The following NEO1 variants were observed in gnomAD, a reference collection of about 807,000 sequenced individuals.
NEO1 encodes neogenin.
A neutral mutation model predicts 159.7 loss-of-function variants in NEO1; 63 were observed. That is an observed-to-expected ratio of 0.39 (90% CI 0.32 to 0.49). NEO1 has a LOEUF of 0.49. Among genes scored for constraint, NEO1 ranks in the 20% least tolerant of loss-of-function variants. NEO1 has a pLI of 0.85. For synonymous variants in NEO1, 633 were observed against 662.0 expected, an observed-to-expected ratio of 0.96 and a Z score of 0.67; for missense variants, 1,615 against 1,831.0, an observed-to-expected ratio of 0.88 and a Z score of 2.15.
intron 22 of NEO1, among the ~76,000 whole-genome samples, chr15:73,279,778 A>G (rs956657628): frequency 2.6e-5 from 4 of 152,292 alleles, no homozygotes; most frequent in Non-Finnish European, 4.4e-5. Flanking sequence ...ATCTTCAAGG[A>G]TGCTAGAAGA....
chr15:73,198,139 G>T (rs2036643281), intron 7 of NEO1, among the ~76,000 whole-genome samples: 1 of 151,910 alleles, frequency 6.6e-6, no homozygotes, highest in African/African-American at 2.4e-5. Context: ...TTATCAAATG[G>T]CTGCCTTTAA....
chr15:73,060,081 G>T (rs935764566), intron 1 of NEO1, among the ~76,000 whole-genome samples: 1 of 151,890 alleles, frequency 6.6e-6, no homozygotes, highest in African/African-American at 2.4e-5. Context: ...ATGAGGTCTA[G>T]TTAAGATAAT....
intron 5 of NEO1, among the ~76,000 whole-genome samples, chr15:73,143,854 G>C (rs1017935956): frequency 6.6e-6 from 1 of 151,948 alleles, no homozygotes; most frequent in African/African-American, 2.4e-5. Flanking sequence ...CCTCATAATT[G>C]GTTTCTTAAA....
At chr15:73,253,379 T>A in intron 11 of NEO1, 21 bp from the exon 12 acceptor site, 1 of 1,518,636 alleles carries the variant, frequency 6.6e-7, no homozygotes, top group African/African-American at 1.4e-5. Context: ...AAAAATTTTT[T>A]TTTTTTTTTT....
intron 1 of NEO1, among the ~76,000 whole-genome samples, chr15:73,097,776 C>CT (rs34165169): frequency 0.084 from 6,324 of 75,284 alleles, 667 homozygotes; most frequent in African/African-American, 0.24. Flanking sequence ...TGGAACTAGC[C>CT]TTTTTTTTTT....
intron 9 of NEO1, among the ~76,000 whole-genome samples, chr15:73,247,448 A>T (rs1192943143): frequency 6.6e-6 from 1 of 152,198 alleles, no homozygotes; most frequent in South Asian, 2.1e-4. Context: ...TTCTCCTTTA[A>T]TAAGTTAGAG....
At chr15:73,094,717 C>T (rs1469328828) in intron 1 of NEO1, among the ~76,000 whole-genome samples, 2 of 152,116 alleles carry the variant, frequency 1.3e-5, no homozygotes, top group Non-Finnish European at 1.5e-5. Context: ...GGTTGCTTCC[C>T]CATGGTGTTT....
intron 18 of NEO1, among the ~76,000 whole-genome samples, chr15:73,271,279 T>C (rs11072409): frequency 0.43 from 64,741 of 152,084 alleles, 15,262 homozygotes; most frequent in Non-Finnish European, 0.53. Context: ...ACTTCAATCC[T>C]AACCCATTAG....
chr15:73,257,265 TAA>T lies in NEO1; in HGVS notation c.2093-1487_2093-1486del, dbSNP rs10670933. Reference sequence around the variant, plus strand: ...TACTAGGCATCATTCTTGTTGCTGTTAAAAAAAAAAAAAAAGAGTATAGTCCT... The same window carrying T: ...TACTAGGCATCATTCTTGTTGCTGTTAAAAAAAAAAAAAGAGTATAGTCCT... On this transcript the variant is annotated intron_variant, in intron 13 of 28. Coordinates refer to ENST00000261908, the MANE Select transcript of NEO1 (RefSeq NM_002499.4). Among the ~76,000 whole-genome samples, 48 of 143,118 alleles carry T rather than the reference TAA, an allele frequency of 3.4e-4. 1 individual carries two copies. Among genetic ancestry groups the T allele is most frequent in the African/African-American group, 8.2e-4 (32 of 38,990 alleles). 93.9% of individuals were successfully genotyped at this position (143,118 alleles called of 152,430 possible).
intron 1 of NEO1, among the ~76,000 whole-genome samples, chr15:73,113,585 G>T (rs28742992): frequency 0.7 from 106,938 of 151,962 alleles, 38,565 homozygotes; most frequent in African/African-American, 0.87. Flanking sequence ...AGTTTCAACA[G>T]CTGATTGTGC....
intron 4 of NEO1, among the ~76,000 whole-genome samples, chr15:73,133,009 G>A (rs1458434366): frequency 3.3e-5 from 5 of 152,098 alleles, no homozygotes; most frequent in African/African-American, 7.2e-5. Context: ...TCTATCATTC[G>A]ATCCAGCAAT....
Position 73,216,739 on chromosome 15 carries a change from A to G in NEO1, c.1292-19608A>G, listed in dbSNP as rs370980300. Among the ~76,000 whole-genome samples the G allele has an allele frequency of 1.6e-4, 24 of 152,112 alleles. No individual in the cohort carries two copies. The East Asian group carries it at 4.3e-3, about 27-fold the overall frequency. On this transcript the variant is annotated intron_variant, in intron 7 of 28. Transcript: ENST00000261908. ...GGCTGCATAAATGTCTTCTTTTGAGAAGTGTCTGTTCATGTCCTTCGCCCA... is the reference window on the plus strand; with the variant it reads ...GGCTGCATAAATGTCTTCTTTTGAGGAGTGTCTGTTCATGTCCTTCGCCCA...
intron 15 of NEO1, among the ~76,000 whole-genome samples, chr15:73,264,153 C>T (rs2040774955): frequency 6.6e-6 from 1 of 151,972 alleles, no homozygotes; most frequent in Admixed American, 6.6e-5. Context: ...TACCACTGTA[C>T]TCCAGCTGGG....
chr15:73,104,400 A>G (rs767663754), intron 1 of NEO1, among the ~76,000 whole-genome samples: 3 of 152,166 alleles, frequency 2.0e-5, no homozygotes, highest in Non-Finnish European at 4.4e-5. Context: ...AACTGTGGTA[A>G]TCAAGGACTA....
At chr15:73,185,728 A>G (rs1381826073) in intron 7 of NEO1, among the ~76,000 whole-genome samples, 6 of 152,236 alleles carry the variant, frequency 3.9e-5, no homozygotes, top group African/African-American at 1.2e-4. Flanking sequence ...GAAGCAACCA[A>G]AATATCCTTT....
intron 1 of NEO1, among the ~76,000 whole-genome samples, chr15:73,058,024 G>A (rs919793608): frequency 6.6e-5 from 10 of 151,998 alleles, no homozygotes; most frequent in African/African-American, 2.4e-4. Context: ...ATGTGTGTAT[G>A]GTTTTATTTT....
chr15:73,215,215 A>T (rs1263049082), intron 7 of NEO1, among the ~76,000 whole-genome samples: 1 of 152,206 alleles, frequency 6.6e-6, no homozygotes, highest in Non-Finnish European at 1.5e-5. Context: ...CTATCATATC[A>T]TCAGCAAACA....
chr15:73,148,954 G>C (rs565628083), intron 5 of NEO1, among the ~76,000 whole-genome samples: 1 of 151,816 alleles, frequency 6.6e-6, no homozygotes, highest in South Asian at 2.1e-4. Flanking sequence ...AGCAGGGCAG[G>C]GTAGGAATAG....
chr15:73,146,660 GTAAC>G (rs1596146792), intron 5 of NEO1, among the ~76,000 whole-genome samples: 1 of 152,062 alleles, frequency 6.6e-6, no homozygotes, highest in Non-Finnish European at 1.5e-5. Flanking sequence ...CATTTCCATG[GTAAC>G]TAACCACCTT....
Sources: allele counts gnomAD v4.1 joint callset (sites outside exome capture counted in the v4.1 genomes callset), GRCh38; gene constraint gnomAD v4.1.1; transcripts MANE v1.5; gene names NCBI Gene and HGNC (gene_info 2026-07-23, HGNC 2026-07-21).